Variants in UNC80 observed in about 807,000 individuals in gnomAD.
UNC80 encodes protein unc-80 homolog.
A neutral mutation model predicts 384.6 loss-of-function variants in UNC80; 164 were observed. That is an observed-to-expected ratio of 0.43 (90% CI 0.38 to 0.49). The LOEUF is 0.49. UNC80 is among the 20% of genes least tolerant of loss of function. UNC80 has a pLI of 0.00. For synonymous variants in UNC80, 1,486 were observed against 1,527.8 expected (o/e 0.97, Z 0.64); for missense variants, 3,330 against 4,143.0 (o/e 0.80, Z 5.39).
chr2:209,886,451 AG>A (rs1037204529), intron 25 of UNC80, among the ~76,000 whole-genome samples: 6 of 152,064 alleles, frequency 3.9e-5, no homozygotes, highest in Non-Finnish European at 5.9e-5. Flanking sequence ...AAAATAAAAA[AG>A]AATAAATATG....
intron 12 of UNC80, 66 bp downstream of exon 12, chr2:209,819,327 T>C (rs1574586598): frequency 2.1e-6 from 3 of 1,452,916 alleles, no homozygotes; most frequent in Non-Finnish European, 2.7e-6. Flanking sequence ...ATTTTTGCAA[T>C]GTTATATAAA....
intron 15 of UNC80, among the ~76,000 whole-genome samples, chr2:209,830,457 A>G (rs1305849733): frequency 6.6e-6 from 1 of 152,238 alleles, no homozygotes; most frequent in African/African-American, 2.4e-5. Flanking sequence ...ATAGACTAAC[A>G]GAAATCTTTC....
intron 27 of UNC80, among the ~76,000 whole-genome samples, chr2:209,895,615 C>A (rs2086730307): frequency 6.6e-6 from 1 of 152,008 alleles, no homozygotes; most frequent in African/African-American, 2.4e-5. Flanking sequence ...TTATCCTGAC[C>A]AATTGAGTCA....
In UNC80 at chr2:209,995,970, TACTC is replaced by T. The variant is rs1319410291; in HGVS notation, c.*378_*381del. 1.8e-5 allele frequency: 3 copies of T among 170,234 alleles called. No individual in the cohort carries two copies. Among genetic ancestry groups the T allele is most frequent in the Non-Finnish European group, 2.5e-5 (2 of 78,822 alleles). The allele number at this position is 170,234 out of a possible 1,614,324, so 10.5% of individuals were successfully genotyped here. ...AAAATAGAATGCAATTTTTTGAGAT[TACTC>T]ACATTATACATCTCATGCAAATATT... is the stretch of plus-strand genomic sequence containing the variant. On this transcript the variant is annotated 3_prime_UTR_variant, in exon 65 of 65. Coordinates refer to ENST00000673920, the MANE Select transcript of UNC80 (RefSeq NM_001371986.1).
intron 22 of UNC80, among the ~76,000 whole-genome samples, chr2:209,866,529 C>CACACACACACACACAT (rs1553556972): frequency 5.5e-5 from 7 of 126,608 alleles, no homozygotes; most frequent in African/African-American, 2.6e-4. Flanking sequence ...CACACACACA[C>CACACACACACACACAT]ACACAGAGAG....
chr2:209,888,799 C>A (rs947139419), intron 26 of UNC80, among the ~76,000 whole-genome samples: 2 of 151,622 alleles, frequency 1.3e-5, no homozygotes, highest in African/African-American at 4.8e-5. Flanking sequence ...TATTTTTTTT[C>A]TTTTCTTAAT....
At chr2:209,922,144 A>T in intron 34 of UNC80, 108 bp from the exon 35 acceptor site, 1 of 1,246,780 alleles carries the variant, frequency 8.0e-7, no homozygotes, top group Non-Finnish European at 1.1e-6. Context: ...AAAATTATTT[A>T]AGCCTTATGG....
chr2:209,815,613 A>G (rs2079679412), intron 9 of UNC80, among the ~76,000 whole-genome samples: 1 of 152,212 alleles, frequency 6.6e-6, no homozygotes, highest in Admixed American at 6.5e-5. Flanking sequence ...CAGGGTTGTC[A>G]TGAAGCTCAA....
At chr2:209,927,280 C>A (rs757391106) in intron 36 of UNC80, among the ~76,000 whole-genome samples, 5 of 152,152 alleles carry the variant, frequency 3.3e-5, no homozygotes, top group Non-Finnish European at 7.4e-5. Flanking sequence ...ACATAGAAAT[C>A]AAACCTTAGA....
intron 58 of UNC80, 77 bp downstream of exon 58, chr2:209,977,155 T>C (rs540594365): frequency 7.5e-7 from 1 of 1,324,736 alleles, no homozygotes; most frequent in Non-Finnish European, 9.9e-7. Flanking sequence ...TCTGTCCAGG[T>C]CACCACACTT....
At chr2:209,987,274 T>G (rs1330841085) in intron 61 of UNC80, among the ~76,000 whole-genome samples, 3 of 152,098 alleles carry the variant, frequency 2.0e-5, no homozygotes, top group Non-Finnish European at 4.4e-5. Context: ...TCAATAAAAA[T>G]TTGCCATACC....
At chr2:209,792,299 TAAAAG>T (rs2077860600) in intron 6 of UNC80, among the ~76,000 whole-genome samples, 1 of 152,234 alleles carries the variant, frequency 6.6e-6, no homozygotes, top group Admixed American at 6.5e-5. Flanking sequence ...GACCCTGTCT[TAAAAG>T]AAAGAAGAAA....
In UNC80 at chr2:209,831,483, C is replaced by T. The variant is rs768931804; in HGVS notation, c.2667C>T (p.Asn889=). ...GAAATAACTTCACCACAGTGGACAA[C>T]AAATCCACAGCCCAAAATGTGGAAG... ...GFGNNFTTVD[N]KSTAQNVEGI... Residue 889 remains asparagine, a synonymous_variant, in exon 16 of 65, where the codon AAC becomes AAT. Coordinates refer to ENST00000673920, the MANE Select transcript of UNC80 (RefSeq NM_001371986.1). The T allele has an allele frequency of 9.7e-6, 15 of 1,551,180 alleles. No homozygotes were observed. In the Admixed American group the frequency reaches 2.9e-4, roughly 30 times the overall value.
chr2:209,902,611 C>G (rs1477857643), intron 28 of UNC80, among the ~76,000 whole-genome samples: 1 of 152,168 alleles, frequency 6.6e-6, no homozygotes, highest in Non-Finnish European at 1.5e-5. Context: ...TCTCATCAGT[C>G]AGCAGCCCTC....
At chr2:209,834,268 T>C in intron 17 of UNC80, 100 bp downstream of exon 17, 7 of 1,260,012 alleles carry the variant, frequency 5.6e-6, no homozygotes, top group Non-Finnish European at 7.6e-6. Flanking sequence ...AATGTCAGCA[T>C]AGGAATGGTA....
At position 209,976,007 on chromosome 2, in the gene UNC80, G is replaced by A. The variant is rs757169526; in HGVS notation, c.8588-112G>A. On this transcript the variant is annotated intron_variant, in intron 56 of 64. Coordinates refer to ENST00000673920, the MANE Select transcript of UNC80 (RefSeq NM_001371986.1). This position sits in a 1 kb window ranked among gnomAD's most constrained non-coding sequence, Gnocchi z 4.3. The stretch of plus-strand genomic sequence containing the variant: ...TACGAAGTTTTTAGAAACATGGAGA[G>A]AGCTTAGAAATTTAGAAAATTTCTA... The A allele has an allele frequency of 8.5e-7, 1 of 1,180,708 alleles. No homozygotes were observed. The allele number at this position is 1,180,708 out of a possible 1,614,324, so 73.1% of individuals were successfully genotyped here.
chr2:209,961,846 G>T (rs1201897233), intron 51 of UNC80, among the ~76,000 whole-genome samples: 1 of 152,170 alleles, frequency 6.6e-6, no homozygotes, highest in Non-Finnish European at 1.5e-5. Context: ...TAATCAAAAA[G>T]CATGAAAATG....
chr2:209,855,459 TATAAA>T (rs892569756), intron 22 of UNC80, among the ~76,000 whole-genome samples: 2 of 152,058 alleles, frequency 1.3e-5, no homozygotes, highest in African/African-American at 4.8e-5. Flanking sequence ...CCCAAGAACT[TATAAA>T]ATAAAATAAA....
intron 61 of UNC80, among the ~76,000 whole-genome samples, chr2:209,986,080 C>T (rs943368659): frequency 6.6e-6 from 1 of 152,080 alleles, no homozygotes; most frequent in Non-Finnish European, 1.5e-5. Flanking sequence ...TTAGCAGGAG[C>T]TTTGGGGGCA....
Sources: allele counts gnomAD v4.1 joint callset (sites outside exome capture counted in the v4.1 genomes callset), GRCh38; gene constraint gnomAD v4.1.1; non-coding constraint Gnocchi (gnomAD v3.1); transcripts MANE v1.5; gene names NCBI Gene and HGNC (gene_info 2026-07-23, HGNC 2026-07-21).